Variants in CCND3 observed in about 807,000 individuals in gnomAD.
The protein encoded by CCND3 is G1/S-specific cyclin-D3.
A neutral mutation model predicts 28.7 loss-of-function variants in CCND3; 9 were observed. The ratio of observed to expected loss-of-function variants is 0.31; its 90% CI spans 0.19 to 0.55. The LOEUF is 0.55. Ranked by LOEUF, CCND3 falls within the 20% of genes least tolerant of loss-of-function variation. The probability of loss-of-function intolerance (pLI) is 0.93; values close to 1 mark genes in which losing one functional copy is unlikely to be tolerated. For missense variants in CCND3, 315 were observed against 385.8 expected (o/e 0.82, Z 1.54); for synonymous variants, 164 against 163.9 (o/e 1.00, Z 0.00).
In CCND3 at chr6:41,936,782, G is replaced by C. The variant is rs1775815252; in HGVS notation, c.575-87C>G. 7.0e-7 allele frequency: 1 copy of C among 1,420,368 alleles called. No homozygotes were observed. Among genetic ancestry groups the C allele is most frequent in the African/African-American group, 1.4e-5 (1 of 70,924 alleles). The allele number at this position is 1,420,368 out of a possible 1,614,324, so 88.0% of individuals were successfully genotyped here. A position where few individuals can be genotyped will look rare whatever the true frequency, so the allele number is the denominator to read the frequency against. Reference sequence around the variant, plus strand: ...ACTTCCGACTCCTTGGAAAGTGCCAGGCAGCATGAGTAGAGCAGAGGACAT... The same window carrying C: ...ACTTCCGACTCCTTGGAAAGTGCCACGCAGCATGAGTAGAGCAGAGGACAT... On this transcript the variant is annotated intron_variant, in intron 3 of 4. Transcript: ENST00000372991. The surrounding 1 kb of genome is among the most constrained non-coding windows in gnomAD (Gnocchi z 4.4).
chr6:42,034,468 CTTTTTTTTTTTTTTTTTTT>C (rs34822771), intron 1 of CCND3, among the ~76,000 whole-genome samples: 1 of 50,978 alleles, frequency 2.0e-5, no homozygotes, highest in East Asian at 6.7e-4. Context: ...CCCTGTCACT[CTTTTTTTTTTTTTTTTTTT>C]TTTTTTTTTG....
Position 42,005,039 on chromosome 6 carries a change from A to G in CCND3, c.-46+43462T>C, listed in dbSNP as rs532805729. Among the ~76,000 whole-genome samples, 25 of 152,316 alleles carry G rather than the reference A, an allele frequency of 1.6e-4. No homozygotes were observed. The East Asian group carries it at 4.4e-3, about 27-fold the overall frequency. ...TAGGTATTAAAAAAGAAATACTGCC[A>G]ACTCAGTCAGCGAGGTTAGTAAAAT... is the stretch of plus-strand genomic sequence containing the variant. On this transcript the variant is annotated intron_variant, in intron 1 of 4. Coordinates refer to the CCND3 transcript ENST00000372988.
intron 1 of CCND3, among the ~76,000 whole-genome samples, chr6:41,980,763 AGGCT>A (rs1367343417): frequency 6.6e-6 from 1 of 152,240 alleles, no homozygotes; most frequent in African/African-American, 2.4e-5. Context: ...CCACATCAAT[AGGCT>A]AAAAAAGAAA....
At chr6:42,039,559 T>C (rs1764310954) in intron 1 of CCND3, among the ~76,000 whole-genome samples, 1 of 152,168 alleles carries the variant, frequency 6.6e-6, no homozygotes, top group Non-Finnish European at 1.5e-5. Flanking sequence ...TCTCAGCTGC[T>C]GGCCTAATCG....
intron 1 of CCND3, among the ~76,000 whole-genome samples, chr6:41,952,426 A>G (rs1776338539): frequency 6.6e-6 from 1 of 152,224 alleles, no homozygotes; most frequent in South Asian, 2.1e-4. Flanking sequence ...CTGGGAGACA[A>G]TCAAAAGTGC....
intron 1 of CCND3, among the ~76,000 whole-genome samples, chr6:41,974,453 C>T (rs995243059): frequency 1.3e-5 from 2 of 152,170 alleles, no homozygotes; most frequent in African/African-American, 4.8e-5. Context: ...GCCCCCTCCC[C>T]TCTAATAGAA....
At chr6:41,937,060 G>A in intron 3 of CCND3, 175 bp downstream of exon 3, 1 of 689,436 alleles carries the variant, frequency 1.5e-6, no homozygotes, top group Non-Finnish European at 2.5e-6. Context: ...GGAGGGGTCT[G>A]AGATCCCATA....
At chr6:41,965,137 T>C (rs1457753839) in intron 1 of CCND3, among the ~76,000 whole-genome samples, 1 of 137,454 alleles carries the variant, frequency 7.3e-6, no homozygotes, top group Non-Finnish European at 1.5e-5. Flanking sequence ...TGGCACAATC[T>C]CAGCTCACTG....
At chr6:41,960,790 A>G (rs1761697968) in intron 1 of CCND3, among the ~76,000 whole-genome samples, 1 of 152,200 alleles carries the variant, frequency 6.6e-6, no homozygotes, top group African/African-American at 2.4e-5. Flanking sequence ...TCCTTCAAAC[A>G]AGATGTTCTC....
At position 41,935,692 on chromosome 6, in the gene CCND3, GA is replaced by G. The variant is rs3218104; in HGVS notation, c.*247del. On this transcript the variant is annotated 3_prime_UTR_variant, in exon 5 of 5. Transcript: ENST00000372991. Reference sequence around the variant, plus strand: ...CATCAGCCTGGCCCACCCCCAGCTAGAGTTGGGAAAGGCGCTGCTGGTCAGA... The same window carrying G: ...CATCAGCCTGGCCCACCCCCAGCTAGGTTGGGAAAGGCGCTGCTGGTCAGA... 1,842 of 542,604 alleles carry G rather than the reference GA, an allele frequency of 3.4e-3. 29 individuals carry two copies. The highest frequency in any genetic ancestry group is 0.03 in the African/African-American group (1,610 of 53,336). The allele number at this position is 542,604 out of a possible 1,614,324, so 33.6% of individuals were successfully genotyped here. A position where few individuals can be genotyped will look rare whatever the true frequency, so the allele number is the denominator to read the frequency against.
intron 1 of CCND3, among the ~76,000 whole-genome samples, chr6:41,998,705 G>A (rs1308403767): frequency 6.6e-6 from 1 of 150,628 alleles, no homozygotes; most frequent in African/African-American, 2.4e-5. Flanking sequence ...TTGAGACAGA[G>A]TTTCGCTCTT....
rs1764610376 is a variant in CCND3, at chr6:42,048,462, C to T, written c.-46+39G>A. 2.1e-6 allele frequency: 1 copy of T among 479,058 alleles called. No homozygotes were observed. Among genetic ancestry groups the T allele is most frequent in the South Asian group, 1.5e-5 (1 of 66,538 alleles). The allele number at this position is 479,058 out of a possible 1,614,324, so 29.7% of individuals were successfully genotyped here. ...ACGCATGGTCTCCAGCCTGAGCTGACATCCCATCTACCCCGGTTTCTCCAG... is the reference window on the plus strand; with the variant it reads ...ACGCATGGTCTCCAGCCTGAGCTGATATCCCATCTACCCCGGTTTCTCCAG... On this transcript the variant is annotated intron_variant, in intron 1 of 4. Transcript: ENST00000372988. This position sits in a 1 kb window ranked among gnomAD's most constrained non-coding sequence, Gnocchi z 4.7.
chr6:42,032,789 TGCAGACTG>T (rs1247130498), intron 1 of CCND3, among the ~76,000 whole-genome samples: 1 of 152,224 alleles, frequency 6.6e-6, no homozygotes, highest in African/African-American at 2.4e-5. Context: ...TTCCACGATG[TGCAGACTG>T]GCAGAGGTAA....
chr6:41,965,123 G>A (rs1429755237), intron 1 of CCND3, among the ~76,000 whole-genome samples: 2 of 133,276 alleles, frequency 1.5e-5, no homozygotes, highest in Middle Eastern at 4.9e-3. Flanking sequence ...AGGCTGGCGT[G>A]CAGTGGCACA....
chr6:42,004,109 T>C (rs1395497091), intron 1 of CCND3, among the ~76,000 whole-genome samples: 3 of 150,114 alleles, frequency 2.0e-5, no homozygotes, highest in Non-Finnish European at 4.4e-5. Context: ...TTTTTTTTTT[T>C]TCCTGAGACA....
chr6:41,975,571 G>A (rs957298323), intron 1 of CCND3, among the ~76,000 whole-genome samples: 36 of 152,056 alleles, frequency 2.4e-4, no homozygotes, highest in African/African-American at 8.5e-4. Flanking sequence ...CTTACTGTAG[G>A]ATCTTCCCCA....
chr6:41,968,958 G>C (rs1386642713), intron 1 of CCND3, among the ~76,000 whole-genome samples: 1 of 151,886 alleles, frequency 6.6e-6, no homozygotes, highest in East Asian at 1.9e-4. Flanking sequence ...AGGGTGCCCA[G>C]CTAATTTTTG....
At chr6:41,970,927 C>T (rs1412324853) in intron 1 of CCND3, among the ~76,000 whole-genome samples, 4 of 149,568 alleles carry the variant, frequency 2.7e-5, no homozygotes, top group African/African-American at 7.4e-5. Flanking sequence ...TTTTTTTTTT[C>T]CCCCCCTTGA....
rs1775876322 is a variant in CCND3 at position 41,938,333 on chromosome 6, A to C, written c.415-939T>G. 1 of 152,016 alleles carries C rather than the reference A, an allele frequency of 6.6e-6. No individual in the cohort carries two copies. The highest frequency in any genetic ancestry group is 6.6e-5 in the Admixed American group (1 of 15,254). The allele number at this position is 152,016 out of a possible 1,614,324, so 9.4% of individuals were successfully genotyped here. A position where few individuals can be genotyped will look rare whatever the true frequency, so the allele number is the denominator to read the frequency against. ...ACTCCTTATTGAGGCAGAAATGGCA[A>C]CCCCACCCAACCTCTTCCAGGCCCC... On this transcript the variant is annotated intron_variant, in intron 2 of 4. Coordinates refer to ENST00000372991, the MANE Select transcript of CCND3 (RefSeq NM_001760.5). This position sits in a 1 kb window ranked among gnomAD's most constrained non-coding sequence, Gnocchi z 4.6.
Sources: gnomAD v4.1 joint callset for allele counts (sites outside exome capture counted in the v4.1 genomes callset) on GRCh38, gnomAD v4.1.1 for gene constraint, Gnocchi (gnomAD v3.1) non-coding constraint, MANE v1.5 for transcripts, NCBI Gene and HGNC (gene_info 2026-07-23, HGNC 2026-07-21) for gene names.